EXOC4: variants seen among roughly 807,000 people sequenced by gnomAD.
EXOC4 encodes the protein exocyst complex component 4.
In EXOC4, 71 loss-of-function variants were observed where a neutral mutation model predicts 107.2. The observed-to-expected ratio is 0.66, with a 90% CI of 0.55 to 0.81. The LOEUF (loss-of-function observed/expected upper bound fraction) is 0.81. EXOC4 is among the 30% of genes least tolerant of loss of function. EXOC4 has a pLI of 0.00. For synonymous variants in EXOC4, 456 were observed against 441.2 expected (o/e 1.03, Z -0.42); for missense variants, 1,108 against 1,189.6 (o/e 0.93, Z 1.01).
At chr7:133,282,275 G>A (rs1292070212) in intron 2 of EXOC4, among the ~76,000 whole-genome samples, 1 of 151,990 alleles carries the variant, frequency 6.6e-6, no homozygotes, top group Non-Finnish European at 1.5e-5. Context: ...TTTTCTAATA[G>A]CCTCTAGTTA....
At chr7:133,483,941 C>A in intron 9 of EXOC4, 1 of 1,248,282 alleles carries the variant, frequency 8.0e-7, no homozygotes, top group Non-Finnish European at 1.2e-6. Flanking sequence ...CCGTAAGAGA[C>A]TAAGGGAAGA....
intron 10 of EXOC4, among the ~76,000 whole-genome samples, chr7:133,739,269 AAG>A (rs149667990): frequency 0.098 from 12,628 of 128,914 alleles, 603 homozygotes; most frequent in Middle Eastern, 0.14. Flanking sequence ...TGTGTATAAA[AAG>A]AGATTTGTTT....
In EXOC4 at chr7:133,938,046, T is replaced by C. The variant is rs1248681823; in HGVS notation, c.2183T>C (p.Phe728Ser). The C allele has an allele frequency of 6.2e-7, 1 of 1,614,110 alleles. No homozygotes were observed. Among genetic ancestry groups the C allele is most frequent in the Admixed American group, 1.7e-5 (1 of 60,010 alleles). ...EWLASRTKSA[F>S]SNLSTSQMLS... The stretch of plus-strand genomic sequence containing the variant: ...TTGGCAAGTCGAACAAAGTCAGCTT[T>C]CTCCAATCTTTCTACATCCCAGAGT... Residue 728 changes from phenylalanine (F) to serine (S), a missense_variant, in exon 14 of 18, where the codon TTC (phenylalanine) becomes TCC (serine). Coordinates refer to ENST00000253861, the MANE Select transcript of EXOC4 (RefSeq NM_021807.4).
At chr7:133,463,652 A>C (rs1798646461) in intron 7 of EXOC4, among the ~76,000 whole-genome samples, 2 of 152,192 alleles carry the variant, frequency 1.3e-5, no homozygotes, top group Non-Finnish European at 2.9e-5. Flanking sequence ...CTTACAGCCT[A>C]ACTACTAATA....
At chr7:133,938,168 C>T (rs533494662) in intron 14 of EXOC4, 99 bp downstream of exon 14, 11 of 1,186,342 alleles carry the variant, frequency 9.3e-6, no homozygotes, top group South Asian at 4.4e-5. Flanking sequence ...CGTATGGGGG[C>T]GTGTCCCAAG....
intron 5 of EXOC4, among the ~76,000 whole-genome samples, chr7:133,355,737 T>A (rs1368042815): frequency 6.6e-6 from 1 of 151,350 alleles, no homozygotes; most frequent in Non-Finnish European, 1.5e-5. Context: ...AGCAGACATA[T>A]GTTTAAAGAA....
intron 10 of EXOC4, among the ~76,000 whole-genome samples, chr7:133,790,676 A>G (rs912726684): frequency 2.0e-5 from 3 of 152,236 alleles, no homozygotes; most frequent in Admixed American, 6.5e-5. Context: ...AAGATTTACA[A>G]CTAGCCAGTA....
At chr7:133,769,857 C>T (rs2151161262) in intron 10 of EXOC4, among the ~76,000 whole-genome samples, 1 of 151,988 alleles carries the variant, frequency 6.6e-6, no homozygotes, top group African/African-American at 2.4e-5. Context: ...CCTCACACTC[C>T]AGTTCTATTT....
intron 6 of EXOC4, among the ~76,000 whole-genome samples, chr7:133,363,821 A>G (rs938481199): frequency 6.6e-6 from 1 of 152,090 alleles, no homozygotes; most frequent in Non-Finnish European, 1.5e-5. Flanking sequence ...ATTTTTGTGC[A>G]CTTGCTATTG....
chr7:133,646,374 T>C (rs1802993026), intron 10 of EXOC4, among the ~76,000 whole-genome samples: 1 of 152,238 alleles, frequency 6.6e-6, no homozygotes, highest in Non-Finnish European at 1.5e-5. Context: ...GTGTGAACTT[T>C]ATAGTTTACT....
intron 11 of EXOC4, among the ~76,000 whole-genome samples, chr7:133,850,583 C>A (rs954388373): frequency 6.6e-6 from 1 of 151,582 alleles, no homozygotes; most frequent in Admixed American, 6.6e-5. Flanking sequence ...TATGAACAGT[C>A]TTATAGAATC....
chr7:133,255,132 T>C (rs2150496637), intron 1 of EXOC4, among the ~76,000 whole-genome samples: 1 of 152,002 alleles, frequency 6.6e-6, no homozygotes, highest in South Asian at 2.1e-4. Flanking sequence ...GGCCTAGGTA[T>C]TTTTTACTTT....
intron 10 of EXOC4, among the ~76,000 whole-genome samples, chr7:133,731,912 AC>A (rs2151117866): frequency 6.6e-6 from 1 of 152,296 alleles, no homozygotes; most frequent in Non-Finnish European, 1.5e-5. Flanking sequence ...AACAAGAAAT[AC>A]CATTTGACCC....
intron 7 of EXOC4, among the ~76,000 whole-genome samples, chr7:133,466,978 C>CA (rs1798745107): frequency 6.6e-6 from 1 of 152,090 alleles, no homozygotes; most frequent in Non-Finnish European, 1.5e-5. Flanking sequence ...GAGAAACCCG[C>CA]AACTAGCATC....
intron 10 of EXOC4, among the ~76,000 whole-genome samples, chr7:133,665,978 CT>C (rs1793803727): frequency 6.6e-6 from 1 of 152,136 alleles, no homozygotes; most frequent in Admixed American, 6.6e-5. Context: ...AATCCATTTA[CT>C]TTTTAAAACA....
intron 11 of EXOC4, among the ~76,000 whole-genome samples, chr7:133,875,029 A>G (rs1033252476): frequency 6.6e-6 from 1 of 152,266 alleles, no homozygotes; most frequent in East Asian, 1.9e-4. Flanking sequence ...ATGCTTTGCG[A>G]CATGACAAAC....
intron 5 of EXOC4, among the ~76,000 whole-genome samples, chr7:133,347,158 A>AT (rs1436016764): frequency 6.6e-6 from 1 of 151,620 alleles, no homozygotes; most frequent in Non-Finnish European, 1.5e-5. Context: ...TTTATATGTT[A>AT]TTTTTTAAGT....
intron 11 of EXOC4, among the ~76,000 whole-genome samples, chr7:133,881,157 A>G (rs1435291126): frequency 2.6e-5 from 4 of 152,078 alleles, no homozygotes; most frequent in African/African-American, 4.8e-5. Context: ...TGATATTCCA[A>G]ATGTTCAAGT....
At chr7:133,767,364 A>G (rs192000078) in intron 10 of EXOC4, among the ~76,000 whole-genome samples, 3 of 152,008 alleles carry the variant, frequency 2.0e-5, no homozygotes, top group Admixed American at 6.6e-5. Flanking sequence ...CTAGGGCTAG[A>G]CAGAAGGTGA....
Sources: gnomAD v4.1 joint callset for allele counts (sites outside exome capture counted in the v4.1 genomes callset) on GRCh38, gnomAD v4.1.1 for gene constraint, MANE v1.5 for transcripts, NCBI Gene and HGNC (gene_info 2026-07-23, HGNC 2026-07-21) for gene names.